COL14A1: variants seen among roughly 807,000 people sequenced by gnomAD.
The protein encoded by COL14A1 is collagen type XIV alpha 1 chain.
A neutral mutation model predicts 230.3 loss-of-function variants in COL14A1; 136 were observed. The ratio of observed to expected loss-of-function variants is 0.59; its 90% CI spans 0.51 to 0.68. The LOEUF (loss-of-function observed/expected upper bound fraction) is 0.68, where lower values mean the gene tolerates loss of function less well. Ranked by LOEUF, COL14A1 falls within the 30% of genes least tolerant of loss-of-function variation. The pLI, the probability that COL14A1 is intolerant of heterozygous loss-of-function variation, is 0.00. For missense variants in COL14A1, 1,976 were observed against 2,215.8 expected, an observed-to-expected ratio of 0.89 and a Z score of 2.17; for synonymous variants, 792 against 784.1, an observed-to-expected ratio of 1.01 and a Z score of -0.17.
At chr8:120,160,062 T>C (rs1815611431) in intron 3 of COL14A1, among the ~76,000 whole-genome samples, 3 of 152,170 alleles carry the variant, frequency 2.0e-5, no homozygotes, top group Admixed American at 1.3e-4. Flanking sequence ...CAATACCAGA[T>C]GTCCACTTTT....
rs1422984305 is a variant in COL14A1, at chr8:120,281,064, G to A, written c.3824+5G>A. ...CCTGGTTTCCCAGCCAACCAGGTAT[G>A]TTTCTGTTGAAAGATTTTAAAGTCA... On this transcript the variant is annotated splice_donor_5th_base_variant and intron_variant, in intron 31 of 47. Coordinates refer to ENST00000297848, the MANE Select transcript of COL14A1 (RefSeq NM_021110.4). 5.6e-6 allele frequency: 9 copies of A among 1,596,536 alleles called. No individual in the cohort carries two copies. Among genetic ancestry groups the A allele is most frequent in the Non-Finnish European group, 7.7e-6 (9 of 1,174,754 alleles).
intron 18 of COL14A1, among the ~76,000 whole-genome samples, chr8:120,231,225 A>T (rs534930876): frequency 1.3e-5 from 2 of 152,258 alleles, no homozygotes; most frequent in East Asian, 3.9e-4. Flanking sequence ...TACAGAACTG[A>T]CAGTTTTGAG....
chr8:120,187,447 G>T (rs576397145), intron 5 of COL14A1, among the ~76,000 whole-genome samples: 1 of 152,144 alleles, frequency 6.6e-6, no homozygotes, highest in Non-Finnish European at 1.5e-5. Context: ...TAAAATGAAA[G>T]AATTTGAACT....
At chr8:120,290,393 C>G (rs1020266550) in intron 34 of COL14A1, among the ~76,000 whole-genome samples, 4 of 109,576 alleles carry the variant, frequency 3.7e-5, no homozygotes, top group Non-Finnish European at 5.5e-5. Context: ...TCACTCATTA[C>G]CCACAAAAAA....
At chr8:120,214,866 G>A (rs1817703924) in intron 13 of COL14A1, among the ~76,000 whole-genome samples, 1 of 152,158 alleles carries the variant, frequency 6.6e-6, no homozygotes, top group South Asian at 2.1e-4. Flanking sequence ...CCAAGCAGGT[G>A]GCATATGGTC....
At chr8:120,202,046 A>G (rs959610232) in intron 8 of COL14A1, among the ~76,000 whole-genome samples, 2 of 152,304 alleles carry the variant, frequency 1.3e-5, no homozygotes, top group African/African-American at 4.8e-5. Context: ...TCAGATGTAC[A>G]TTTGAGAAGC....
rs2130168074 is a variant in COL14A1 at position 120,324,379 on chromosome 8, A to G, written c.4660-7762A>G. On this transcript the variant is annotated intron_variant, in intron 40 of 47. Coordinates refer to ENST00000297848, the MANE Select transcript of COL14A1 (RefSeq NM_021110.4). Reference sequence around the variant, plus strand: ...GTGTTACTGAAAATTTTCCCATGTAACCCAATGCAAGGATTGATCCCGGAT... The same window carrying G: ...GTGTTACTGAAAATTTTCCCATGTAGCCCAATGCAAGGATTGATCCCGGAT... Among the ~76,000 whole-genome samples the G allele has an allele frequency of 1.3e-5, 2 of 152,196 alleles. 1 individual carries two copies. Among genetic ancestry groups the G allele is most frequent in the African/African-American group, 4.8e-5 (2 of 41,496 alleles).
At position 120,162,602 on chromosome 8, in the gene COL14A1, A is replaced by G. The variant is rs778784588; in HGVS notation, c.349+33A>G. On this transcript the variant is annotated intron_variant, in intron 4 of 47. Transcript: ENST00000297848. Reference sequence around the variant, plus strand: ...TTTACAGTTCTCAAAGCACCTCCGCAGGACTCTGTCCCAGCCTTGGATTTG... The same window carrying G: ...TTTACAGTTCTCAAAGCACCTCCGCGGGACTCTGTCCCAGCCTTGGATTTG... 7 of 1,554,178 alleles carry G rather than the reference A, an allele frequency of 4.5e-6. No homozygotes were observed. In the South Asian group the frequency reaches 8.8e-5, roughly 20 times the overall value.
chr8:120,228,689 A>G (rs751402049), intron 17 of COL14A1, 21 bp from the exon 18 acceptor site: 19 of 1,602,406 alleles, frequency 1.2e-5, no homozygotes, highest in Non-Finnish European at 1.0e-5. Context: ...GCAGCATTTT[A>G]AAGTAATATA....
intron 45 of COL14A1, 122 bp downstream of exon 45, chr8:120,345,685 A>G (rs1822485389): frequency 2.3e-6 from 2 of 862,238 alleles, no homozygotes; most frequent in Non-Finnish European, 3.2e-6. Flanking sequence ...ATTCTGCCCC[A>G]TCTATTCTTC....
chr8:120,231,807 G>T (rs1237299934), intron 19 of COL14A1, 189 bp downstream of exon 19: 4 of 576,292 alleles, frequency 6.9e-6, no homozygotes, highest in Non-Finnish European at 5.8e-6. Flanking sequence ...TCCAAAACTT[G>T]CTCCATGTAC....
At position 120,151,096 on chromosome 8, in the gene COL14A1, C is replaced by A. The variant is rs553389146; in HGVS notation, c.88+3166C>A. On this transcript the variant is annotated intron_variant, in intron 2 of 47. Coordinates refer to ENST00000297848, the MANE Select transcript of COL14A1 (RefSeq NM_021110.4). The stretch of plus-strand genomic sequence containing the variant: ...TTCAAGAAGGAAGATGGTGGCTGCA[C>A]GCTGGGGGAAACCTCAATAAGAAAC... 2.6e-3 allele frequency among the ~76,000 whole-genome samples: 393 copies of A among 152,004 alleles called. 2 individuals carry two copies. Among genetic ancestry groups the A allele is most frequent in the African/African-American group, 8.1e-3 (334 of 41,464 alleles).
chr8:120,322,912 A>G (rs1363130292), intron 40 of COL14A1, among the ~76,000 whole-genome samples: 2 of 152,206 alleles, frequency 1.3e-5, no homozygotes, highest in African/African-American at 4.8e-5. Flanking sequence ...CTTTGGGCGT[A>G]TGCCCAGTAA....
At chr8:120,208,872 G>T (rs955957017) in intron 11 of COL14A1, among the ~76,000 whole-genome samples, 6 of 151,718 alleles carry the variant, frequency 4.0e-5, no homozygotes, top group Non-Finnish European at 7.4e-5. Flanking sequence ...ATACACACAC[G>T]CACACAGAAT....
intron 10 of COL14A1, 62 bp downstream of exon 10, chr8:120,207,156 G>A: frequency 7.4e-7 from 1 of 1,352,234 alleles, no homozygotes; most frequent in South Asian, 1.4e-5. Context: ...CTACAATAGT[G>A]AGAACAAGGC....
At chr8:120,210,040 CACT>C (rs1181640673) in intron 12 of COL14A1, 139 bp downstream of exon 12, 10 of 584,794 alleles carry the variant, frequency 1.7e-5, no homozygotes, top group Non-Finnish European at 2.3e-5. Context: ...ATAATCCCAC[CACT>C]GAGAGATAGC....
chr8:120,210,035 C>T (rs1276399674), intron 12 of COL14A1, 134 bp downstream of exon 12: 2 of 629,288 alleles, frequency 3.2e-6, no homozygotes, highest in African/African-American at 1.9e-5. Flanking sequence ...CACTTATAAT[C>T]CCACCACTGA....
chr8:120,219,647 A>G (rs2130786729), intron 14 of COL14A1, among the ~76,000 whole-genome samples: 1 of 152,312 alleles, frequency 6.6e-6, no homozygotes, highest in Non-Finnish European at 1.5e-5. Flanking sequence ...ATTGGGGATC[A>G]GGTAGCAACA....
chr8:120,231,994 C>A (rs1818285762), intron 19 of COL14A1: 1 of 157,092 alleles, frequency 6.4e-6, no homozygotes, highest in African/African-American at 2.4e-5. Flanking sequence ...TTCTTCTGCC[C>A]TTGGAAATCT....
Sources: gnomAD v4.1 joint callset for allele counts (sites outside exome capture counted in the v4.1 genomes callset) on GRCh38, gnomAD v4.1.1 for gene constraint, MANE v1.5 for transcripts, NCBI Gene and HGNC (gene_info 2026-07-23, HGNC 2026-07-21) for gene names.